The following MCM8 variants were observed in gnomAD, a reference collection of about 807,000 sequenced individuals.
The protein encoded by MCM8 is minichromosome maintenance 8 homologous recombination repair factor.
Under a neutral mutation model 98.9 loss-of-function variants are expected in MCM8, and 85 were observed. The ratio of observed to expected loss-of-function variants is 0.86; its 90% CI spans 0.72 to 1.03. The LOEUF (loss-of-function observed/expected upper bound fraction) is 1.03, where lower values mean the gene tolerates loss of function less well. Among genes scored for constraint, MCM8 ranks in the 50% least tolerant of loss-of-function variants. The pLI, the probability that MCM8 is intolerant of heterozygous loss-of-function variation, is 0.00. For synonymous variants in MCM8, 352 were observed against 338.6 expected, an observed-to-expected ratio of 1.04 and a Z score of -0.44; for missense variants, 951 against 997.8, an observed-to-expected ratio of 0.95 and a Z score of 0.63.
At chr20:5,983,206 C>A in intron 14 of MCM8, 41 bp downstream of exon 14, 1 of 1,446,056 alleles carries the variant, frequency 6.9e-7, no homozygotes, top group South Asian at 1.3e-5. Flanking sequence ...TGTATTGAAT[C>A]ACTTTAATTC....
intron 17 of MCM8, among the ~76,000 whole-genome samples, chr20:5,989,087 C>G (rs1346308455): frequency 1.3e-5 from 2 of 148,508 alleles, no homozygotes; most frequent in African/African-American, 5.0e-5. Flanking sequence ...AGAGAACACT[C>G]AGTAAACACT....
chr20:5,952,448 C>T lies in MCM8; in HGVS notation c.173C>T (p.Ser58Leu), dbSNP rs367862136. 91 of 1,613,720 alleles carry T rather than the reference C, an allele frequency of 5.6e-5. 1 individual carries two copies. The highest frequency in any genetic ancestry group is 2.5e-4 in the South Asian group (23 of 91,046). Residue 58 changes from serine (S) to leucine (L), a missense_variant, in exon 3 of 19, where the codon TCA becomes TTA. Physicochemically the swap from Ser to Leu is moderately radical, Grantham distance 145. Transcript: ENST00000610722. The stretch of plus-strand genomic sequence containing the variant: ...GAACAAACCCCACAGTTTTTGCTTT[C>T]AACAAAGACCCCACAGTCAATGCAG... The part of the protein sequence containing the change: ...TSEQTPQFLL[S>L]TKTPQSMQST...
chr20:5,984,896 C>T lies in MCM8; in HGVS notation c.1849C>T (p.Gln617Ter). The T allele has an allele frequency of 6.2e-7, 1 of 1,614,064 alleles. No homozygotes were observed. Among genetic ancestry groups the T allele is most frequent in the Non-Finnish European group, 8.5e-7 (1 of 1,179,966 alleles). ...EHVIAIRAGK[Q>*]RTISSATVAR... is the part of the protein sequence containing the mutation. The stretch of plus-strand genomic sequence containing the variant: ...TGTGATTGCAATAAGAGCTGGAAAG[C>T]AGAGAACCATTAGCAGTGCCACAGT... The change falls in exon 15 of 19, where the codon CAG (glutamine) becomes TAG (stop). Residue 617 changes from glutamine to a stop codon, truncating the protein, a stop_gained. Coordinates refer to ENST00000610722, the MANE Select transcript of MCM8 (RefSeq NM_032485.6). LOFTEE classifies it high-confidence loss of function.
intron 6 of MCM8, among the ~76,000 whole-genome samples, chr20:5,957,619 T>C (rs1019192998): frequency 6.6e-6 from 1 of 152,246 alleles, no homozygotes; most frequent in Non-Finnish European, 1.5e-5. Context: ...GAAATGTTCA[T>C]TGGAGCACTT....
At chr20:5,976,400 C>T (rs191314920) in intron 12 of MCM8, among the ~76,000 whole-genome samples, 36 of 152,182 alleles carry the variant, frequency 2.4e-4, no homozygotes, top group Admixed American at 9.8e-4. Context: ...TATTAGCCAG[C>T]GACCCAGAGA....
chr20:5,987,335 T>G lies in MCM8; in HGVS notation c.2217T>G (p.Asp739Glu), dbSNP rs1181596965. The G allele has an allele frequency of 1.2e-6, 2 of 1,612,580 alleles. No individual in the cohort carries two copies. Among genetic ancestry groups the G allele is most frequent in the Non-Finnish European group, 1.7e-6 (2 of 1,179,522 alleles). The change falls in exon 17 of 19, where the codon GAT (aspartate) becomes GAG (glutamate). Residue 739 changes from aspartate to glutamate, a missense_variant. Transcript: ENST00000610722. ...REEATKEDAE[D>E]IVEIMKYSML... The stretch of plus-strand genomic sequence containing the variant: ...AAGCAACCAAAGAAGACGCTGAGGA[T>G]ATAGTGGAAATTATGAAATATAGGT...
intron 12 of MCM8, among the ~76,000 whole-genome samples, chr20:5,975,242 G>C (rs916845751): frequency 6.7e-6 from 1 of 150,160 alleles, no homozygotes; most frequent in Non-Finnish European, 1.5e-5. Flanking sequence ...CTGGGCAATA[G>C]AGCAAGACCC....
intron 7 of MCM8, among the ~76,000 whole-genome samples, chr20:5,959,911 CT>C (rs2089097868): frequency 6.6e-6 from 1 of 152,066 alleles, no homozygotes; most frequent in Admixed American, 6.5e-5. Context: ...GTTGGCCAGG[CT>C]GTTCTCAAAC....
Position 5,954,683 on chromosome 20 carries a change from A to T in MCM8, c.329A>T (p.Tyr110Phe), listed in dbSNP as rs200203649. ...TTTTTCACAAGGCATATTGATTTGT[A>T]TGACAAGGTAAGATTCCTCTACAGC... ...EKFFTRHIDL[Y>F]DKDEIERKGS... Residue 110 changes from tyrosine to phenylalanine, a missense_variant, in exon 4 of 19, where the codon TAT becomes TTT. Tyr to Phe is a conservative substitution (Grantham distance 22, BLOSUM62 3). Coordinates refer to ENST00000610722, the MANE Select transcript of MCM8 (RefSeq NM_032485.6). 1,866 of 1,579,408 alleles carry T rather than the reference A, an allele frequency of 1.2e-3. 32 individuals are homozygous for T. In the South Asian group the frequency reaches 0.02, roughly 17 times the overall value.
Position 5,987,327 on chromosome 20 carries a change from G to T in MCM8, c.2209G>T (p.Ala737Ser). ...GAGAGAGGAAGCAACCAAAGAAGAC[G>T]CTGAGGATATAGTGGAAATTATGAA... ...ELREEATKED[A>S]EDIVEIMKYS... is the part of the protein sequence containing the mutation. The change falls in exon 17 of 19, where the codon GCT (alanine) becomes TCT (serine). Residue 737 changes from alanine to serine, a missense_variant. Ala to Ser is a moderately conservative substitution (Grantham distance 99). Coordinates refer to ENST00000610722, the MANE Select transcript of MCM8 (RefSeq NM_032485.6). The T allele has an allele frequency of 2.5e-6, 4 of 1,612,944 alleles. No individual in the cohort carries two copies. Among genetic ancestry groups the T allele is most frequent in the Non-Finnish European group, 3.4e-6 (4 of 1,179,594 alleles).
chr20:5,980,873 C>CAA (rs36027696), intron 13 of MCM8, among the ~76,000 whole-genome samples: 24 of 87,890 alleles, frequency 2.7e-4, no homozygotes, highest in African/African-American at 5.1e-4. Context: ...CTCTGTCTCT[C>CAA]AAAAAAAAAA....
chr20:5,978,797 A>G (rs187700527), intron 13 of MCM8, among the ~76,000 whole-genome samples: 197 of 152,250 alleles, frequency 1.3e-3, no homozygotes, highest in Admixed American at 4.8e-3. Context: ...GCCTCAAGTG[A>G]TCCACCCACC....
intron 14 of MCM8, among the ~76,000 whole-genome samples, chr20:5,983,708 AAG>A (rs1472391409): frequency 6.6e-6 from 1 of 152,180 alleles, no homozygotes; most frequent in African/African-American, 2.4e-5. Context: ...TCAAAAAAAA[AAG>A]AAAAAGAAAT....
chr20:5,972,120 A>AGT, intron 11 of MCM8, 83 bp downstream of exon 11: 3 of 1,015,250 alleles, frequency 3.0e-6, no homozygotes, highest in Non-Finnish European at 3.0e-6. Flanking sequence ...AAAGTAGCAA[A>AGT]TTTCTATTGG....
rs1419553385 is a variant in MCM8 at position 5,995,915 on chromosome 20, G to A, written c.*1524G>A. The A allele has an allele frequency of 6.6e-6, 1 of 152,192 alleles. No individual in the cohort carries two copies. The highest frequency in any genetic ancestry group is 2.4e-5 in the African/African-American group (1 of 41,444). 9.4% of individuals were successfully genotyped at this position (152,192 alleles called of 1,614,324 possible). ...GTGTATATCAGATGTTTAACTATAG[G>A]ACCAGAACTAAGATGTGGAGACTAT... is the stretch of plus-strand genomic sequence containing the variant. On this transcript the variant is annotated 3_prime_UTR_variant, in exon 19 of 19. Coordinates refer to ENST00000610722, the MANE Select transcript of MCM8 (RefSeq NM_032485.6).
intron 3 of MCM8, among the ~76,000 whole-genome samples, chr20:5,953,149 C>A (rs530527606): frequency 6.6e-6 from 1 of 152,342 alleles, no homozygotes; most frequent in East Asian, 1.9e-4. Flanking sequence ...AAATTCCTTT[C>A]TCTTCCTGCC....
intron 11 of MCM8, among the ~76,000 whole-genome samples, 171 bp downstream of exon 11, chr20:5,972,208 T>G (rs2089419301): frequency 6.6e-6 from 1 of 151,742 alleles, no homozygotes; most frequent in Non-Finnish European, 1.5e-5. Context: ...TTTTTTTTAA[T>G]TTTTTTAATT....
rs1199101074 is a variant in MCM8, at chr20:5,995,726, A to G, written c.*1335A>G. On this transcript the variant is annotated 3_prime_UTR_variant, in exon 19 of 19. Transcript: ENST00000610722. ...TTCTCATATGTTGTGAGAGGATTCA[A>G]ATGTTACAGGGTTGCCAGCCAAACT... 2 of 152,266 alleles carry G rather than the reference A, an allele frequency of 1.3e-5. No individual in the cohort carries two copies. Among genetic ancestry groups the G allele is most frequent in the African/African-American group, 2.4e-5 (1 of 41,472 alleles). 9.4% of individuals were successfully genotyped at this position (152,266 alleles called of 1,614,324 possible). A position where few individuals can be genotyped will look rare whatever the true frequency, so the allele number is the denominator to read the frequency against.
intron 1 of MCM8, 97 bp from the exon 2 acceptor site, chr20:5,951,914 T>G: frequency 7.3e-7 from 1 of 1,361,164 alleles, no homozygotes; most frequent in Non-Finnish European, 9.8e-7. Context: ...CTCTTGAACC[T>G]AGAATACATT....
Sources: allele counts gnomAD v4.1 joint callset (sites outside exome capture counted in the v4.1 genomes callset), GRCh38; gene constraint gnomAD v4.1.1; transcripts MANE v1.5; gene names NCBI Gene and HGNC (gene_info 2026-07-23, HGNC 2026-07-21).